ANKRD31: variants seen among roughly 807,000 people sequenced by gnomAD.
ANKRD31 encodes the protein ankyrin repeat domain 31.
Under a neutral mutation model 186.0 loss-of-function variants are expected in ANKRD31, and 147 were observed. That is an observed-to-expected ratio of 0.79 (90% confidence interval 0.69 to 0.91). The LOEUF is 0.91. Ranked by LOEUF, ANKRD31 falls within the 40% of genes least tolerant of loss-of-function variation. ANKRD31 has a pLI of 0.00. For synonymous variants in ANKRD31, 673 were observed against 736.4 expected, an observed-to-expected ratio of 0.91 and a Z score of 1.39; for missense variants, 1,986 against 2,148.8, an observed-to-expected ratio of 0.92 and a Z score of 1.50.
chr5:75,102,186 G>T (rs62369193), intron 22 of ANKRD31, among the ~76,000 whole-genome samples: 1 of 152,188 alleles, frequency 6.6e-6, no homozygotes, highest in East Asian at 1.9e-4. Flanking sequence ...TTGGGAGTTT[G>T]CTGCAGGTCC....
rs187891719 is a variant in ANKRD31 at position 75,208,642 on chromosome 5, C to A, written c.327-2155G>T. On this transcript the variant is annotated intron_variant, in intron 4 of 25. Transcript: ENST00000506364. The stretch of plus-strand genomic sequence containing the variant: ...ACAGGACACTATGTCCAGACAAATT[C>A]TTTATCTATTCTTCTGACAGCAGCT... 2.4e-4 allele frequency among the ~76,000 whole-genome samples: 37 copies of A among 152,324 alleles called. No homozygotes were observed. In the East Asian group the frequency reaches 3.1e-3, roughly 13 times the overall value.
intron 17 of ANKRD31, among the ~76,000 whole-genome samples, chr5:75,126,305 G>A (rs918039692): frequency 3.4e-4 from 52 of 152,150 alleles, no homozygotes; most frequent in African/African-American, 1.3e-3. Context: ...AGGTGGGCAT[G>A]TTGGAGCATG....
intron 10 of ANKRD31, among the ~76,000 whole-genome samples, chr5:75,183,832 G>C (rs745779677): frequency 2.4e-4 from 37 of 151,966 alleles, no homozygotes; most frequent in Non-Finnish European, 2.7e-4. Context: ...ATAATCTACA[G>C]ATTCAATATG....
intron 23 of ANKRD31, among the ~76,000 whole-genome samples, chr5:75,090,505 T>G (rs1264317983): frequency 1.3e-5 from 2 of 152,210 alleles, no homozygotes; most frequent in Non-Finnish European, 2.9e-5. Context: ...TGCTTCCTAT[T>G]ACTGGTACAC....
chr5:75,126,559 C>T (rs1749275622), intron 17 of ANKRD31, among the ~76,000 whole-genome samples: 1 of 152,168 alleles, frequency 6.6e-6, no homozygotes, highest in African/African-American at 2.4e-5. Context: ...TAGTACAAGT[C>T]TTTGTGTGGA....
chr5:75,236,477 G>T (rs76882468), intron 1 of ANKRD31, 106 bp downstream of exon 1: 3 of 896,080 alleles, frequency 3.3e-6, no homozygotes, highest in Non-Finnish European at 3.3e-6. Context: ...CTGCCCACAA[G>T]CACATGTTCT....
intron 17 of ANKRD31, among the ~76,000 whole-genome samples, chr5:75,136,909 C>A (rs373370566): frequency 1.3e-5 from 2 of 152,098 alleles, no homozygotes; most frequent in Admixed American, 6.5e-5. Flanking sequence ...CAAATTATCA[C>A]AAGGACAGAA....
chr5:75,100,902 T>A (rs1322559040), intron 22 of ANKRD31, among the ~76,000 whole-genome samples: 2 of 152,242 alleles, frequency 1.3e-5, no homozygotes, highest in Non-Finnish European at 2.9e-5. Flanking sequence ...GTCTTTTAAT[T>A]GGAGCATTTA....
Position 75,102,228 on chromosome 5 carries a change from G to C in ANKRD31, c.5331+2000C>G, listed in dbSNP as rs549698112. Among the ~76,000 whole-genome samples, 318 of 152,328 alleles carry C rather than the reference G, an allele frequency of 2.1e-3. 2 individuals carry two copies. The highest frequency in any genetic ancestry group is 0.013 in the South Asian group (62 of 4,830). On this transcript the variant is annotated intron_variant, in intron 22 of 25. Transcript: ENST00000506364. ...GATCCTGTTTGCCTGGGTATCACCA[G>C]CAGAGGCTGCAGAGCAGCCAATACT... is the stretch of plus-strand genomic sequence containing the variant.
chr5:75,185,344 G>C (rs1439557852), intron 10 of ANKRD31, among the ~76,000 whole-genome samples: 1 of 152,150 alleles, frequency 6.6e-6, no homozygotes, highest in Non-Finnish European at 1.5e-5. Flanking sequence ...TGGATCACAA[G>C]GTCAGGAGAT....
rs1756597236 is a variant in ANKRD31 at position 75,210,960 on chromosome 5, T to C, written c.289-95A>G. 37 of 842,384 alleles carry C rather than the reference T, an allele frequency of 4.4e-5. 1 individual carries two copies. The East Asian group carries it at 5.9e-4, about 13-fold the overall frequency. 52.2% of individuals were successfully genotyped at this position (842,384 alleles called of 1,614,324 possible). A position where few individuals can be genotyped will look rare whatever the true frequency, so the allele number is the denominator to read the frequency against. The stretch of plus-strand genomic sequence containing the variant: ...ACATTTAAAGTAATTTTTGTGTTAT[T>C]CTTTCTTAGCTTCTTTTTATGGTGG... On this transcript the variant is annotated intron_variant, in intron 3 of 25. Coordinates refer to ENST00000506364, the MANE Select transcript of ANKRD31 (RefSeq NM_001372053.1).
At chr5:75,224,129 T>TTATTTATATATATATATA (rs1757468518) in intron 2 of ANKRD31, among the ~76,000 whole-genome samples, 1 of 105,752 alleles carries the variant, frequency 9.5e-6, no homozygotes, top group Non-Finnish European at 1.9e-5. Flanking sequence ...TCAGAAATAA[T>TTATTTATATATATATATA]TATATATATA....
chr5:75,148,286 T>C (rs1379354175), intron 13 of ANKRD31, among the ~76,000 whole-genome samples: 1 of 151,854 alleles, frequency 6.6e-6, no homozygotes. Flanking sequence ...CCTTTGACTC[T>C]TTCCTGTACT....
intron 19 of ANKRD31, among the ~76,000 whole-genome samples, chr5:75,114,541 G>T (rs1368088069): frequency 6.6e-6 from 1 of 152,030 alleles, no homozygotes; most frequent in Non-Finnish European, 1.5e-5. Flanking sequence ...AGGAGATTTT[G>T]GGCTGAGACA....
At position 75,118,279 on chromosome 5, in the gene ANKRD31, G is replaced by C. The variant is rs1226299434; in HGVS notation, c.3895C>G (p.Gln1299Glu). The C allele has an allele frequency of 2.0e-6, 3 of 1,498,898 alleles. No homozygotes were observed. In the South Asian group the frequency reaches 3.9e-5, roughly 20 times the overall value. 92.8% of individuals were successfully genotyped at this position (1,498,898 alleles called of 1,614,324 possible). A position where few individuals can be genotyped will look rare whatever the true frequency, so the allele number is the denominator to read the frequency against. Residue 1299 changes from glutamine (Q) to glutamate (E), a missense_variant, in exon 18 of 26, where the codon CAA becomes GAA. By Grantham distance (29) the Gln-to-Glu change is conservative. Transcript: ENST00000506364. ...NHLKAAEILL[Q>E]NGANPNQKDQ... The stretch of plus-strand genomic sequence containing the variant: ...TTTTGATTAGGGTTTGCTCCATTTT[G>C]TAGTAGAATCTCAGCTGCCTACAAA...
At chr5:75,102,642 T>A (rs1047495690) in intron 22 of ANKRD31, among the ~76,000 whole-genome samples, 2 of 152,200 alleles carry the variant, frequency 1.3e-5, no homozygotes, top group African/African-American at 4.8e-5. Flanking sequence ...CGGACGCCAC[T>A]CCCTCAGCCT....
At chr5:75,112,195 A>T (rs1747843806) in intron 20 of ANKRD31, among the ~76,000 whole-genome samples, 1 of 151,984 alleles carries the variant, frequency 6.6e-6, no homozygotes, top group East Asian at 1.9e-4. Flanking sequence ...GGTTCATGCC[A>T]TTCTCCTGCC....
intron 15 of ANKRD31, among the ~76,000 whole-genome samples, chr5:75,139,667 T>C (rs764388088): frequency 2.0e-5 from 3 of 152,022 alleles, no homozygotes; most frequent in Non-Finnish European, 2.9e-5. Flanking sequence ...GATTAGAAAG[T>C]CAATGATGGA....
intron 23 of ANKRD31, among the ~76,000 whole-genome samples, chr5:75,087,162 T>C (rs570758267): frequency 6.6e-6 from 1 of 152,308 alleles, no homozygotes; most frequent in South Asian, 2.1e-4. Context: ...GAAAGTATCA[T>C]CCCATTTTTC....
Sources: gnomAD v4.1 joint callset for allele counts (sites outside exome capture counted in the v4.1 genomes callset) on GRCh38, gnomAD v4.1.1 for gene constraint, MANE v1.5 for transcripts, NCBI Gene and HGNC (gene_info 2026-07-23, HGNC 2026-07-21) for gene names.